ADAM32: variants seen among roughly 807,000 people sequenced by gnomAD.
ADAM32 encodes the protein disintegrin and metalloproteinase domain-containing protein 32.
ADAM32 carries 89 observed loss-of-function variants against 114.9 expected under a neutral mutation model. That is an observed-to-expected ratio of 0.77 (90% CI 0.65 to 0.92). ADAM32 has a LOEUF of 0.92. ADAM32 is among the 40% of genes least tolerant of loss of function. The probability of loss-of-function intolerance (pLI) is 0.00; values close to 1 mark genes in which losing one functional copy is unlikely to be tolerated. For synonymous variants in ADAM32, 285 were observed against 307.5 expected, an observed-to-expected ratio of 0.93 and a Z score of 0.77; for missense variants, 870 against 932.8, an observed-to-expected ratio of 0.93 and a Z score of 0.88.
chr8:39,117,478 ATCTT>A (rs1314216965), intron 1 of ADAM32, among the ~76,000 whole-genome samples: 1 of 151,170 alleles, frequency 6.6e-6, no homozygotes, highest in Non-Finnish European at 1.5e-5. Flanking sequence ...GTAAATATCT[ATCTT>A]CTGACTTTAT....
At chr8:39,116,418 G>A (rs531144376) in intron 1 of ADAM32, among the ~76,000 whole-genome samples, 5 of 152,268 alleles carry the variant, frequency 3.3e-5, no homozygotes, top group Non-Finnish European at 7.4e-5. Context: ...TCTTTGAGCA[G>A]TGTTTTGTAG....
intron 22 of ADAM32, among the ~76,000 whole-genome samples, chr8:39,279,777 G>A (rs1393570388): frequency 6.6e-6 from 1 of 151,956 alleles, no homozygotes; most frequent in Non-Finnish European, 1.5e-5. Flanking sequence ...ATTATCTGTT[G>A]ATCTTGATGT....
intron 3 of ADAM32, among the ~76,000 whole-genome samples, chr8:39,142,349 C>G (rs894399463): frequency 1.3e-5 from 2 of 152,130 alleles, no homozygotes; most frequent in Non-Finnish European, 2.9e-5. Context: ...ACCGGCTGTT[C>G]CTTTCCATGT....
intron 24 of ADAM32, 147 bp downstream of exon 24, chr8:39,283,771 CTT>C (rs373085019): frequency 0.022 from 5,203 of 239,426 alleles, no homozygotes; most frequent in East Asian, 0.042. Context: ...TTCTTTTATT[CTT>C]TTTTTTTTTT....
intron 10 of ADAM32, among the ~76,000 whole-genome samples, chr8:39,171,136 A>G (rs998287882): frequency 6.6e-6 from 1 of 152,090 alleles, no homozygotes; most frequent in Non-Finnish European, 1.5e-5. Context: ...GGTTTTGAAC[A>G]TGTTGGCCAT....
intron 11 of ADAM32, among the ~76,000 whole-genome samples, chr8:39,195,087 CT>C (rs1332563885): frequency 1.3e-5 from 2 of 152,114 alleles, no homozygotes; most frequent in African/African-American, 4.8e-5. Flanking sequence ...GCATAGTAGC[CT>C]TGTGTAAGGT....
intron 1 of ADAM32, among the ~76,000 whole-genome samples, chr8:39,111,891 G>A (rs546344326): frequency 4.1e-4 from 62 of 152,108 alleles, no homozygotes; most frequent in African/African-American, 1.4e-3. Context: ...AGTGACATAC[G>A]CATTTATGTA....
intron 20 of ADAM32, among the ~76,000 whole-genome samples, chr8:39,272,537 TA>T: frequency 6.6e-6 from 1 of 152,296 alleles, no homozygotes; most frequent in Admixed American, 6.5e-5. Flanking sequence ...TAAGCAACTG[TA>T]ACTGATTAAG....
At chr8:39,237,470 G>T (rs7001103) in intron 16 of ADAM32, among the ~76,000 whole-genome samples, 32,690 of 152,066 alleles carry the variant, frequency 0.21, 3,779 homozygotes, top group East Asian at 0.28. Context: ...GAGGCTTGTA[G>T]CCTGGAGCAA....
rs1217880477 is a variant in ADAM32, at chr8:39,183,924, A to C, written c.916-2985A>C. On this transcript the variant is annotated intron_variant, in intron 10 of 24. Coordinates refer to ENST00000379907, the MANE Select transcript of ADAM32 (RefSeq NM_145004.7). ...AGAATCACTGCAGACAGGCAAGGAAAATCCATACCTGGGATACACGAGGAC... is the reference window on the plus strand; with the variant it reads ...AGAATCACTGCAGACAGGCAAGGAACATCCATACCTGGGATACACGAGGAC... Among the ~76,000 whole-genome samples the C allele has an allele frequency of 2.6e-5, 4 of 152,228 alleles. No individual in the cohort carries two copies. In the East Asian group the frequency reaches 7.7e-4, roughly 29 times the overall value.
intron 10 of ADAM32, among the ~76,000 whole-genome samples, chr8:39,177,992 T>C (rs540906530): frequency 6.6e-6 from 1 of 152,132 alleles, no homozygotes; most frequent in African/African-American, 2.4e-5. Context: ...TGATTGGGTG[T>C]CTTGGGGCTG....
intron 16 of ADAM32, among the ~76,000 whole-genome samples, chr8:39,238,757 A>C (rs1810366110): frequency 6.6e-6 from 1 of 152,188 alleles, no homozygotes; most frequent in Admixed American, 6.5e-5. Context: ...TGGAAATAAA[A>C]GACTTAGAGA....
chr8:39,250,428 A>G (rs948321915), intron 17 of ADAM32, among the ~76,000 whole-genome samples: 5 of 151,728 alleles, frequency 3.3e-5, no homozygotes, highest in African/African-American at 4.8e-5. Flanking sequence ...CTTCTTTTTG[A>G]TTCTTTCTTA....
At chr8:39,122,115 G>A (rs1311842152) in intron 2 of ADAM32, among the ~76,000 whole-genome samples, 4 of 152,136 alleles carry the variant, frequency 2.6e-5, no homozygotes, top group Non-Finnish European at 5.9e-5. Flanking sequence ...GTCATAACTT[G>A]TATCTCAACC....
Position 39,234,055 on chromosome 8 carries a change from A to G in ADAM32, c.1791A>G (p.Lys597=). Residue 597 remains lysine, a synonymous_variant, in exon 16 of 25, where the codon AAA becomes AAG. Coordinates refer to ENST00000379907, the MANE Select transcript of ADAM32 (RefSeq NM_145004.7). Reference sequence around the variant, plus strand: ...CAGTTCCAGATCCACTGGCTGTCAAAAATGGCTCTCAGTGTGATATTGGGA... The same window carrying G: ...CAGTTCCAGATCCACTGGCTGTCAAGAATGGCTCTCAGTGTGATATTGGGA... ...PRTVPDPLAV[K]NGSQCDIGRV... 6.0e-6 allele frequency: 9 copies of G among 1,491,280 alleles called. No homozygotes were observed. Among genetic ancestry groups the G allele is most frequent in the Non-Finnish European group, 8.1e-6 (9 of 1,117,044 alleles). 92.4% of individuals were successfully genotyped at this position (1,491,280 alleles called of 1,614,324 possible).
chr8:39,206,533 T>A lies in ADAM32; in HGVS notation c.1053-4611T>A, dbSNP rs184146330. On this transcript the variant is annotated intron_variant, in intron 11 of 24. Coordinates refer to ENST00000379907, the MANE Select transcript of ADAM32 (RefSeq NM_145004.7). ...AAGTCCCTCTGAAGGTAGATGCAGG[T>A]ACACAGTGACCTTGACATTGGAGGG... Among the ~76,000 whole-genome samples the A allele has an allele frequency of 2.0e-5, 3 of 152,308 alleles. No individual in the cohort carries two copies. In the East Asian group the frequency reaches 5.8e-4, roughly 29 times the overall value.
At chr8:39,260,309 T>C (rs1811945169) in intron 19 of ADAM32, among the ~76,000 whole-genome samples, 1 of 152,130 alleles carries the variant, frequency 6.6e-6, no homozygotes, top group Non-Finnish European at 1.5e-5. Flanking sequence ...TGGATGCCCT[T>C]TTTTTCTTAT....
rs144109394 is a variant in ADAM32 at position 39,111,629 on chromosome 8, C to T, written c.58+3796C>T. Reference sequence around the variant, plus strand: ...CACATGCCTGTAATCCCAGCTGAGGCAGAATTGCTTGAACCTGCGAGGTGG... The same window carrying T: ...CACATGCCTGTAATCCCAGCTGAGGTAGAATTGCTTGAACCTGCGAGGTGG... On this transcript the variant is annotated intron_variant, in intron 1 of 24. Transcript: ENST00000379907. Among the ~76,000 whole-genome samples the T allele has an allele frequency of 4.0e-4, 58 of 144,088 alleles. No individual in the cohort carries two copies. In the East Asian group the frequency reaches 0.011, roughly 27 times the overall value. 94.5% of individuals were successfully genotyped at this position (144,088 alleles called of 152,430 possible). A position where few individuals can be genotyped will look rare whatever the true frequency, so the allele number is the denominator to read the frequency against.
At chr8:39,170,942 A>G (rs1805146980) in intron 10 of ADAM32, among the ~76,000 whole-genome samples, 2 of 151,936 alleles carry the variant, frequency 1.3e-5, no homozygotes, top group Non-Finnish European at 2.9e-5. Context: ...TCTAGTATAT[A>G]TATATATATT....
Sources: allele counts gnomAD v4.1 joint callset (sites outside exome capture counted in the v4.1 genomes callset), GRCh38; gene constraint gnomAD v4.1.1; transcripts MANE v1.5; gene names NCBI Gene and HGNC (gene_info 2026-07-23, HGNC 2026-07-21).